The following FOXP1 variants were observed in gnomAD, a reference collection of about 807,000 sequenced individuals.
FOXP1 encodes forkhead box P1.
FOXP1 carries 15 observed loss-of-function variants against 98.2 expected under a neutral mutation model. The ratio of observed to expected loss-of-function variants is 0.15; its 90% CI spans 0.10 to 0.24. The LOEUF is 0.24. Ranked by LOEUF, FOXP1 falls within the 10% of genes least tolerant of loss-of-function variation. FOXP1 has a pLI of 1.00. For missense variants in FOXP1, 633 were observed against 848.5 expected (o/e 0.75, Z 3.15); for synonymous variants, 371 against 314.5 (o/e 1.18, Z -1.90).
intron 6 of FOXP1, among the ~76,000 whole-genome samples, chr3:71,120,360 A>G (rs757542380): frequency 1.3e-5 from 2 of 152,240 alleles, no homozygotes; most frequent in Non-Finnish European, 2.9e-5. Context: ...GAAAGGCTCT[A>G]TGTAGCATCA....
At chr3:71,463,487 A>C (rs996478090) in intron 3 of FOXP1, among the ~76,000 whole-genome samples, 2 of 152,062 alleles carry the variant, frequency 1.3e-5, no homozygotes, top group African/African-American at 4.8e-5. Context: ...GGCAGGGAAG[A>C]CATCCCACAC....
Position 71,455,440 on chromosome 3 carries a change from T to A in FOXP1, c.-168+37986A>T, listed in dbSNP as rs141866533. On this transcript the variant is annotated intron_variant, in intron 3 of 20. Transcript: ENST00000649528. ...TTAGCTTTTAGTCATTAAACACCCT[T>A]CCCTTTTAATTAAAGAAAACTTGGA... is the stretch of plus-strand genomic sequence containing the variant. 6.3e-3 allele frequency among the ~76,000 whole-genome samples: 962 copies of A among 152,256 alleles called. 8 individuals are homozygous for A. The highest frequency in any genetic ancestry group is 0.023 in the African/African-American group (936 of 41,542).
chr3:70,962,536 T>TG (rs2033791428), intron 20 of FOXP1, among the ~76,000 whole-genome samples: 1 of 152,222 alleles, frequency 6.6e-6, no homozygotes, highest in African/African-American at 2.4e-5. Context: ...TTACCTTAAA[T>TG]TGTGTTTCTC....
chr3:71,197,158 C>G (rs2063349057), intron 6 of FOXP1, among the ~76,000 whole-genome samples: 1 of 152,198 alleles, frequency 6.6e-6, no homozygotes, highest in South Asian at 2.1e-4. Flanking sequence ...CACTTTGTCC[C>G]TATCTTCTTC....
intron 2 of FOXP1, among the ~76,000 whole-genome samples, chr3:71,555,654 T>C (rs1183258331): frequency 6.6e-6 from 1 of 152,180 alleles, no homozygotes; most frequent in Non-Finnish European, 1.5e-5. Context: ...ATGTTTACAG[T>C]GGGTGGAACG....
At position 71,479,083 on chromosome 3, in the gene FOXP1, G is replaced by C. The variant is rs148422248; in HGVS notation, c.-168+14343C>G. Among the ~76,000 whole-genome samples the C allele has an allele frequency of 6.8e-3, 1,030 of 152,300 alleles. 13 individuals are homozygous for C. The highest frequency in any genetic ancestry group is 0.024 in the African/African-American group (988 of 41,558). On this transcript the variant is annotated intron_variant, in intron 3 of 20. Coordinates refer to ENST00000649528, the MANE Select transcript of FOXP1 (RefSeq NM_001349338.3). ...GGAATAAAAGCAGACTATCCCAAAA[G>C]GGGGAGGGGGTAACTTTTACGTCAC...
chr3:71,193,818 G>C (rs2063146158), intron 6 of FOXP1, among the ~76,000 whole-genome samples: 1 of 152,082 alleles, frequency 6.6e-6, no homozygotes, highest in Admixed American at 6.5e-5. Flanking sequence ...TGAGCTTCTT[G>C]CGTTCTGGGA....
chr3:71,347,886 C>CAAA (rs11286158), intron 4 of FOXP1, among the ~76,000 whole-genome samples: 6 of 144,662 alleles, frequency 4.1e-5, no homozygotes, highest in African/African-American at 1.6e-4. Flanking sequence ...CTCTGTCTCA[C>CAAA]AAAAAAAAAA....
intron 3 of FOXP1, among the ~76,000 whole-genome samples, chr3:71,405,636 A>G (rs1005252799): frequency 1.3e-5 from 2 of 152,178 alleles, no homozygotes; most frequent in African/African-American, 4.8e-5. Flanking sequence ...ATCACTTGGG[A>G]AGGTTATAAA....
chr3:71,499,322 C>A (rs928193395), intron 2 of FOXP1, among the ~76,000 whole-genome samples: 1 of 152,190 alleles, frequency 6.6e-6, no homozygotes, highest in African/African-American at 2.4e-5. Flanking sequence ...CCATCAGGGA[C>A]CCTTATGCAA....
At chr3:71,463,572 C>T (rs2108550747) in intron 3 of FOXP1, among the ~76,000 whole-genome samples, 1 of 152,172 alleles carries the variant, frequency 6.6e-6, no homozygotes, top group East Asian at 1.9e-4. Flanking sequence ...GGGCTGGGGT[C>T]TCTCCCCAGG....
chr3:71,427,356 G>C (rs1428163913), intron 3 of FOXP1, among the ~76,000 whole-genome samples: 8 of 152,218 alleles, frequency 5.3e-5, no homozygotes, highest in Admixed American at 4.6e-4. Flanking sequence ...ACGCGCAGGA[G>C]AGTGTCAGTG....
At chr3:71,092,475 G>A (rs1459674850) in intron 7 of FOXP1, among the ~76,000 whole-genome samples, 5 of 152,108 alleles carry the variant, frequency 3.3e-5, no homozygotes, top group East Asian at 1.9e-4. Flanking sequence ...CAGTATCAGC[G>A]GAAACTGAAG....
chr3:71,412,913 T>G (rs2082867063), intron 3 of FOXP1, among the ~76,000 whole-genome samples: 1 of 152,146 alleles, frequency 6.6e-6, no homozygotes. Context: ...GCTAACCGGC[T>G]GGAGAATTAA....
intron 5 of FOXP1, among the ~76,000 whole-genome samples, chr3:71,286,559 G>C (rs759616716): frequency 1.3e-5 from 2 of 152,132 alleles, no homozygotes; most frequent in Non-Finnish European, 2.9e-5. Flanking sequence ...GCTGGGACAA[G>C]AGAATGACTG....
intron 6 of FOXP1, chr3:71,130,906 C>T (rs1437038748): frequency 4.4e-6 from 6 of 1,358,636 alleles, no homozygotes; most frequent in Non-Finnish European, 5.7e-6. Context: ...AGCAGCGACA[C>T]AGCACACGCA....
chr3:71,293,560 T>G (rs1207327750), intron 5 of FOXP1, among the ~76,000 whole-genome samples: 1 of 152,206 alleles, frequency 6.6e-6, no homozygotes, highest in African/African-American at 2.4e-5. Flanking sequence ...ATATGGTTAT[T>G]TGATAATTGC....
chr3:71,490,719 G>T (rs958635124), intron 3 of FOXP1, among the ~76,000 whole-genome samples: 1 of 152,052 alleles, frequency 6.6e-6, no homozygotes, highest in Non-Finnish European at 1.5e-5. Context: ...TTCTTCAGAT[G>T]GATTTTTCAA....
intron 2 of FOXP1, among the ~76,000 whole-genome samples, chr3:71,506,778 A>G (rs952222108): frequency 6.6e-6 from 1 of 152,200 alleles, no homozygotes; most frequent in African/African-American, 2.4e-5. Flanking sequence ...ATCCTAAGAC[A>G]AGAGCAGGAA....
Sources: allele counts gnomAD v4.1 joint callset (sites outside exome capture counted in the v4.1 genomes callset), GRCh38; gene constraint gnomAD v4.1.1; transcripts MANE v1.5; gene names NCBI Gene and HGNC (gene_info 2026-07-23, HGNC 2026-07-21).